PITPNM3: variants seen among roughly 807,000 people sequenced by gnomAD.
The protein encoded by PITPNM3 is PITPNM family member 3.
In PITPNM3, 26 loss-of-function variants were observed where a neutral mutation model predicts 102.0. The ratio of observed to expected loss-of-function variants is 0.25; its 90% confidence interval spans 0.19 to 0.35. The LOEUF is 0.35. Ranked by LOEUF, PITPNM3 falls within the 10% of genes least tolerant of loss-of-function variation. The pLI, the probability that PITPNM3 is intolerant of heterozygous loss-of-function variation, is 1.00. For missense variants in PITPNM3, 1,083 were observed against 1,346.1 expected (o/e 0.80, Z 3.06); for synonymous variants, 578 against 558.6 (o/e 1.03, Z -0.49).
chr17:6,552,502 C>A (rs892511837), intron 1 of PITPNM3, among the ~76,000 whole-genome samples: 1 of 152,210 alleles, frequency 6.6e-6, no homozygotes, highest in Non-Finnish European at 1.5e-5. Flanking sequence ...GGCGTCCCAG[C>A]CAGAGGGATC....
intron 1 of PITPNM3, among the ~76,000 whole-genome samples, chr17:6,539,437 A>G (rs1909623160): frequency 6.6e-6 from 1 of 152,248 alleles, no homozygotes; most frequent in South Asian, 2.1e-4. Context: ...ATAATTGTCT[A>G]TGCAGAAAAC....
At chr17:6,524,219 G>C (rs1433168175) in intron 3 of PITPNM3, among the ~76,000 whole-genome samples, 1 of 152,250 alleles carries the variant, frequency 6.6e-6, no homozygotes, top group Admixed American at 6.5e-5. Context: ...AATGCCTCCT[G>C]AGAGCATGGC....
Position 6,483,631 on chromosome 17 carries a change from C to G in PITPNM3, c.473G>C (p.Ser158Thr). 2.5e-6 allele frequency: 4 copies of G among 1,614,114 alleles called. No individual in the cohort carries two copies. The highest frequency in any genetic ancestry group is 3.4e-6 in the Non-Finnish European group (4 of 1,180,026). Residue 158 changes from serine (S) to threonine (T), a missense_variant, in exon 6 of 20, where the codon AGC becomes ACC. Transcript: ENST00000262483. Reference sequence around the variant, plus strand: ...TCGTGTGACCTTCTCCAGCACGGAGCTGAAGGTGTGGATGTCGGCTGCCTT... The same window carrying G: ...TCGTGTGACCTTCTCCAGCACGGAGGTGAAGGTGTGGATGTCGGCTGCCTT... ...SCKAADIHTF[S>T]SVLEKVTRAH...
At chr17:6,534,788 G>C (rs531146816) in intron 2 of PITPNM3, among the ~76,000 whole-genome samples, 3 of 152,278 alleles carry the variant, frequency 2.0e-5, no homozygotes, top group African/African-American at 7.2e-5. Context: ...AGTTGAGGTG[G>C]GCAGGGGTGG....
rs1425174518 is a variant in PITPNM3 at position 6,478,754 on chromosome 17, A to G, written c.588-18T>C. Reference sequence around the variant, plus strand: ...GGTTCAGGCTGCAGACAGGGGGCCCAAGGTGAGCCCAGCCAGGATCGGGCA... The same window carrying G: ...GGTTCAGGCTGCAGACAGGGGGCCCGAGGTGAGCCCAGCCAGGATCGGGCA... On this transcript the variant is annotated intron_variant, in intron 6 of 19. Transcript: ENST00000262483. The surrounding 1 kb of genome is among the most constrained non-coding windows in gnomAD (Gnocchi z 4.4). 47 of 1,550,270 alleles carry G rather than the reference A, an allele frequency of 3.0e-5. No individual in the cohort carries two copies. Among genetic ancestry groups the G allele is most frequent in the Non-Finnish European group, 4.0e-5 (46 of 1,148,544 alleles).
chr17:6,539,438 T>G (rs1008237097), intron 1 of PITPNM3, among the ~76,000 whole-genome samples: 3 of 152,186 alleles, frequency 2.0e-5, no homozygotes, highest in African/African-American at 7.2e-5. Flanking sequence ...TAATTGTCTA[T>G]GCAGAAAACA....
At chr17:6,547,792 A>G (rs1910102556) in intron 1 of PITPNM3, among the ~76,000 whole-genome samples, 1 of 151,382 alleles carries the variant, frequency 6.6e-6, no homozygotes, top group Non-Finnish European at 1.5e-5. Context: ...CTGGAGTGCA[A>G]TGCCACGATC....
intron 4 of PITPNM3, among the ~76,000 whole-genome samples, chr17:6,492,435 T>C (rs1432670783): frequency 6.6e-6 from 1 of 152,034 alleles, no homozygotes; most frequent in Admixed American, 6.5e-5. Flanking sequence ...GAAAAAAGTG[T>C]GAAATGTTGT....
chr17:6,473,442 C>T (rs558648885), intron 10 of PITPNM3, among the ~76,000 whole-genome samples: 1 of 152,302 alleles, frequency 6.6e-6, no homozygotes, highest in South Asian at 2.1e-4. Context: ...ACACTGAGGG[C>T]AGCCATGGGG....
At chr17:6,544,011 C>G (rs1441910534) in intron 1 of PITPNM3, among the ~76,000 whole-genome samples, 1 of 152,194 alleles carries the variant, frequency 6.6e-6, no homozygotes, top group Admixed American at 6.5e-5. Flanking sequence ...TGTCTGCTGG[C>G]AGCTGTGACT....
chr17:6,531,886 T>C (rs1233559214), intron 2 of PITPNM3, among the ~76,000 whole-genome samples: 1 of 152,100 alleles, frequency 6.6e-6, no homozygotes, highest in East Asian at 1.9e-4. Context: ...ACGGATCACC[T>C]GGGGTCAGGA....
rs1913936665 is a variant in PITPNM3 at position 6,453,115 on chromosome 17, T to TTCTCTTTCCCTCTCTCTCTCTC, written c.*2222_*2223insGAGAGAGAGAGAGGGAAAGAGA. ...TGTCTTCCTTTCTTTCTCTCTCTCT[T>TTCTCTTTCCCTCTCTCTCTCTC]TCTCTCTCCCTCTCTCTCTCTCTCT... On this transcript the variant is annotated 3_prime_UTR_variant, in exon 20 of 20. Transcript: ENST00000262483. 2 of 118,960 alleles carry TTCTCTTTCCCTCTCTCTCTCTC rather than the reference T, an allele frequency of 1.7e-5. No individual in the cohort carries two copies. Among genetic ancestry groups the TTCTCTTTCCCTCTCTCTCTCTC allele is most frequent in the Admixed American group, 1.6e-4 (2 of 12,776 alleles). 7.4% of individuals were successfully genotyped at this position (118,960 alleles called of 1,614,324 possible). A position where few individuals can be genotyped will look rare whatever the true frequency, so the allele number is the denominator to read the frequency against.
intron 8 of PITPNM3, 65 bp from the exon 9 acceptor site, chr17:6,477,278 T>C: frequency 1.9e-6 from 3 of 1,545,712 alleles, no homozygotes; most frequent in Non-Finnish European, 2.7e-6. Flanking sequence ...TGGGGCCTTG[T>C]CTCCTCCCCC....
At chr17:6,553,954 T>C (rs904308259) in intron 1 of PITPNM3, among the ~76,000 whole-genome samples, 2 of 152,178 alleles carry the variant, frequency 1.3e-5, no homozygotes, top group African/African-American at 4.8e-5. Context: ...ATGTTGCCAA[T>C]GAGGAATATG....
At chr17:6,535,187 A>G (rs949200614) in intron 2 of PITPNM3, among the ~76,000 whole-genome samples, 3 of 148,462 alleles carry the variant, frequency 2.0e-5, no homozygotes, top group African/African-American at 7.9e-5. Context: ...GAAGACAGAG[A>G]CCACACCCAG....
Position 6,457,868 on chromosome 17 carries a change from G to A in PITPNM3, c.2491-146C>T. 1.6e-6 allele frequency: 2 copies of A among 1,229,446 alleles called. No homozygotes were observed. The highest frequency in any genetic ancestry group is 2.3e-6 in the Non-Finnish European group (2 of 875,158). The allele number at this position is 1,229,446 out of a possible 1,614,324, so 76.2% of individuals were successfully genotyped here. On this transcript the variant is annotated intron_variant, in intron 18 of 19. Transcript: ENST00000262483. The surrounding 1 kb of genome is among the most constrained non-coding windows in gnomAD (Gnocchi z 4.7). ...AAGCCATGGGGCCACCCTGTGTCAG[G>A]AATGAACCCTCAGAGTGGCTGCCCC...
At chr17:6,466,936 C>T (rs1904803146) in intron 14 of PITPNM3, among the ~76,000 whole-genome samples, 1 of 151,796 alleles carries the variant, frequency 6.6e-6, no homozygotes, top group Non-Finnish European at 1.5e-5. Flanking sequence ...TGGTGGTGAA[C>T]ACCTGTAATC....
At chr17:6,513,465 A>C (rs767422442) in intron 3 of PITPNM3, among the ~76,000 whole-genome samples, 63 of 152,236 alleles carry the variant, frequency 4.1e-4, no homozygotes, top group Non-Finnish European at 8.2e-4. Context: ...AATATAGAGG[A>C]TCAATATACA....
chr17:6,468,405 G>C lies in PITPNM3; in HGVS notation c.1774-64C>G. 6.6e-7 allele frequency: 1 copy of C among 1,523,124 alleles called. No individual in the cohort carries two copies. Among genetic ancestry groups the C allele is most frequent in the East Asian group, 2.3e-5 (1 of 44,324 alleles). 94.4% of individuals were successfully genotyped at this position (1,523,124 alleles called of 1,614,324 possible). A position where few individuals can be genotyped will look rare whatever the true frequency, so the allele number is the denominator to read the frequency against. On this transcript the variant is annotated intron_variant, in intron 13 of 19. Coordinates refer to ENST00000262483, the MANE Select transcript of PITPNM3 (RefSeq NM_031220.4). This position sits in a 1 kb window ranked among gnomAD's most constrained non-coding sequence, Gnocchi z 5.2. ...GGCTTCTCTGCTTCCCTCCCAGGGTGTCAGTGCCCACCAGCTTGTGGCCAG... is the reference window on the plus strand; with the variant it reads ...GGCTTCTCTGCTTCCCTCCCAGGGTCTCAGTGCCCACCAGCTTGTGGCCAG...
Sources: gnomAD v4.1 joint callset for allele counts (sites outside exome capture counted in the v4.1 genomes callset) on GRCh38, gnomAD v4.1.1 for gene constraint, Gnocchi (gnomAD v3.1) non-coding constraint, MANE v1.5 for transcripts, NCBI Gene and HGNC (gene_info 2026-07-23, HGNC 2026-07-21) for gene names.